Variants in WDR4 observed in about 807,000 individuals in gnomAD.
The protein encoded by WDR4 is WDR4 tRNA N7-guanosine methyltransferase non-catalytic subunit.
A neutral mutation model predicts 48.6 loss-of-function variants in WDR4; 47 were observed. The observed-to-expected ratio is 0.97, with a 90% CI of 0.77 to 1.23. The LOEUF is 1.23. Ranked by LOEUF, WDR4 falls within the 50% of genes most tolerant of loss-of-function variation. The pLI is 0.00. For synonymous variants in WDR4, 268 were observed against 230.0 expected, an observed-to-expected ratio of 1.17 and a Z score of -1.49; for missense variants, 606 against 551.6, an observed-to-expected ratio of 1.10 and a Z score of -0.99.
rs533952153 is a variant in WDR4 at position 42,862,491 on chromosome 21, G to A, written c.454-97C>T. 50 of 1,169,876 alleles carry A rather than the reference G, an allele frequency of 4.3e-5. No homozygotes were observed. The East Asian group carries it at 6.4e-4, about 15-fold the overall frequency. 72.5% of individuals were successfully genotyped at this position (1,169,876 alleles called of 1,614,324 possible). On this transcript the variant is annotated intron_variant, in intron 4 of 10. Coordinates refer to ENST00000398208, the MANE Select transcript of WDR4 (RefSeq NM_018669.6). This position sits in a 1 kb window ranked among gnomAD's most constrained non-coding sequence, Gnocchi z 4.3. ...AAGGCAGGGAAGCTGCAGCCTGGCCGCCAAGAGGATGAGGCCTTCGAGGAC... is the reference window on the plus strand; with the variant it reads ...AAGGCAGGGAAGCTGCAGCCTGGCCACCAAGAGGATGAGGCCTTCGAGGAC...
intron 2 of WDR4, among the ~76,000 whole-genome samples, chr21:42,874,437 A>G (rs1344633040): frequency 2.6e-5 from 4 of 152,196 alleles, no homozygotes; most frequent in Non-Finnish European, 4.4e-5. Context: ...AAAGAACAGG[A>G]TAACAGCAAT....
intron 3 of WDR4, among the ~76,000 whole-genome samples, chr21:42,864,534 T>A (rs1206570540): frequency 6.6e-6 from 1 of 151,968 alleles, no homozygotes; most frequent in South Asian, 2.1e-4. Flanking sequence ...CACCCTACCC[T>A]CCTCGGGAGG....
chr21:42,862,315 TG>T lies in WDR4; in HGVS notation c.532del (p.His178IlefsTer14). 6.2e-7 allele frequency: 1 copy of T among 1,611,386 alleles called. No homozygotes were observed. On this transcript the variant is annotated frameshift_variant, in exon 5 of 11. Transcript: ENST00000398208. LOFTEE classifies it high-confidence loss of function. This position sits in a 1 kb window ranked among gnomAD's most constrained non-coding sequence, Gnocchi z 4.3. ...CCCCAAGCAGAAGGACTCGATGCTA[TG>T]GGGCGCCGCGGCCCAGCTGACTCGG... ...KIRVSWAAAPHSIESFCLGHT... is the reference protein window; with the variant it reads ...KIRVSWAAAPXSIESFCLGHT...
Position 42,849,747 on chromosome 21 carries a change from CACAG to C in WDR4, c.*298_*301del, listed in dbSNP as rs1286981278. The C allele has an allele frequency of 6.1e-6, 2 of 328,384 alleles. No individual in the cohort carries two copies. The highest frequency in any genetic ancestry group is 2.2e-5 in the African/African-American group (1 of 45,882). 20.3% of individuals were successfully genotyped at this position (328,384 alleles called of 1,614,324 possible). The stretch of plus-strand genomic sequence containing the variant: ...AAGGGCGGTATGAGAACAGGAGAAA[CACAG>C]ACAGCTGCCGCCACCACCGGCTCAC... On this transcript the variant is annotated 3_prime_UTR_variant, in exon 11 of 11. Transcript: ENST00000398208.
chr21:42,844,190 C>T (rs944673835), intron 11 of WDR4, among the ~76,000 whole-genome samples: 5 of 152,152 alleles, frequency 3.3e-5, no homozygotes, highest in Non-Finnish European at 7.3e-5. Context: ...GCAAGCAGCC[C>T]ATTCGAGTAC....
In WDR4 at chr21:42,855,680, A is replaced by G; in HGVS notation, c.726+2T>C. The G allele has an allele frequency of 6.5e-7, 1 of 1,547,712 alleles. No individual in the cohort carries two copies. Among genetic ancestry groups the G allele is most frequent in the South Asian group, 1.2e-5 (1 of 83,876 alleles). On this transcript the variant is annotated splice_donor_variant, in intron 7 of 10. Coordinates refer to ENST00000398208, the MANE Select transcript of WDR4 (RefSeq NM_018669.6). LOFTEE classifies it high-confidence loss of function. ...CGCCCAGGAGTGAACAGAAGCAGCT[A>G]CCTGGGGGGCCTGGGGGTCCACCAG...
rs1323794497 is a variant in WDR4 at position 42,862,843 on chromosome 21, G to C, written c.454-449C>G. On this transcript the variant is annotated intron_variant, in intron 4 of 10. Coordinates refer to ENST00000398208, the MANE Select transcript of WDR4 (RefSeq NM_018669.6). The surrounding 1 kb of genome is among the most constrained non-coding windows in gnomAD (Gnocchi z 4.3). ...CCTTTGATACCCCACACTCGCCATT[G>C]TTCCTGACTGTCCCTGTGTGCGTCC... is the stretch of plus-strand genomic sequence containing the variant. 1.3e-5 allele frequency among the ~76,000 whole-genome samples: 2 copies of C among 152,202 alleles called. No individual in the cohort carries two copies. Among genetic ancestry groups the C allele is most frequent in the African/African-American group, 4.8e-5 (2 of 41,442 alleles).
rs1474010450 is a variant in WDR4 at position 42,855,806 on chromosome 21, G to A, written c.628-26C>T. On this transcript the variant is annotated intron_variant, in intron 6 of 10. Coordinates refer to ENST00000398208, the MANE Select transcript of WDR4 (RefSeq NM_018669.6). ...CTGCACAAACCAAACACACAGGTTAGCACATGGTTGTGGGGCTTCCGTCAG... is the reference window on the plus strand; with the variant it reads ...CTGCACAAACCAAACACACAGGTTAACACATGGTTGTGGGGCTTCCGTCAG... 8 of 1,519,776 alleles carry A rather than the reference G, an allele frequency of 5.3e-6. No homozygotes were observed. In the East Asian group the frequency reaches 2.0e-4, roughly 38 times the overall value. 94.1% of individuals were successfully genotyped at this position (1,519,776 alleles called of 1,614,324 possible). A position where few individuals can be genotyped will look rare whatever the true frequency, so the allele number is the denominator to read the frequency against.
intron 3 of WDR4, among the ~76,000 whole-genome samples, chr21:42,870,001 G>A (rs1888522): frequency 1.5e-4 from 20 of 136,524 alleles, no homozygotes; most frequent in Middle Eastern, 8.6e-3. Context: ...CAACAACAGC[G>A]AAACTCCATC....
intron 5 of WDR4, among the ~76,000 whole-genome samples, chr21:42,861,365 G>GGAAGGGTGGGGTGGGGAGGGGGGAAGGA: frequency 1.4e-5 from 2 of 138,574 alleles, no homozygotes; most frequent in African/African-American, 5.3e-5. Flanking sequence ...GGAAGGGAGG[G>GGAAGGGTGGGGTGGGGAGGGGGGAAGGA]AGGGAGGGAG....
chr21:42,857,478 G>A (rs1424729775), intron 6 of WDR4, among the ~76,000 whole-genome samples: 1 of 152,174 alleles, frequency 6.6e-6, no homozygotes, highest in African/African-American at 2.4e-5. Flanking sequence ...CAGGCAGATG[G>A]CATCGCCAGA....
intron 6 of WDR4, among the ~76,000 whole-genome samples, chr21:42,859,211 G>C (rs1447823818): frequency 1.3e-5 from 2 of 151,126 alleles, no homozygotes; most frequent in Non-Finnish European, 2.9e-5. Flanking sequence ...CCAGGAGTTT[G>C]AAACCAGCCT....
chr21:42,875,006 T>C (rs1022359268), intron 2 of WDR4, among the ~76,000 whole-genome samples: 12 of 152,136 alleles, frequency 7.9e-5, no homozygotes, highest in Admixed American at 6.6e-4. Flanking sequence ...CCTACCGACA[T>C]GTGATGTCTC....
intron 3 of WDR4, among the ~76,000 whole-genome samples, chr21:42,864,332 G>C (rs565337733): frequency 2.0e-5 from 3 of 152,048 alleles, no homozygotes; most frequent in Admixed American, 2.0e-4. Context: ...CACTGTCAAG[G>C]ACAAAGGCAG....
intron 2 of WDR4, among the ~76,000 whole-genome samples, chr21:42,874,430 G>A (rs1002958059): frequency 1.9e-4 from 29 of 152,162 alleles, no homozygotes; most frequent in Admixed American, 7.2e-4. Context: ...CCTTGAAAAA[G>A]AACAGGATAA....
chr21:42,846,474 G>T (rs780035788), downstream of WDR4, among the ~76,000 whole-genome samples: 1 of 152,222 alleles, frequency 6.6e-6, no homozygotes. Context: ...AGTCACACAC[G>T]TGCATTCAGT....
chr21:42,845,960 C>A (rs1332338513), downstream of WDR4, among the ~76,000 whole-genome samples: 2 of 152,034 alleles, frequency 1.3e-5, no homozygotes, highest in African/African-American at 2.4e-5. Flanking sequence ...GAGCAAGACA[C>A]CATCTCTACA....
At chr21:42,877,934 A>T (rs1451085704) in intron 1 of WDR4, among the ~76,000 whole-genome samples, 1 of 151,186 alleles carries the variant, frequency 6.6e-6, no homozygotes, top group African/African-American at 2.4e-5. Flanking sequence ...AGTCCCAACT[A>T]CTCGGGAGGC....
rs868490398 is a variant in WDR4 at position 42,864,024 on chromosome 21, G to T, written c.297-428C>A. On this transcript the variant is annotated intron_variant, in intron 3 of 10. Transcript: ENST00000398208. ...CGGGAGGCTGAGGCGGGAGAATGGC[G>T]TGAACCCGGGAGGCGGAGCTTGCAG... Among the ~76,000 whole-genome samples, 3 of 82,372 alleles carry T rather than the reference G, an allele frequency of 3.6e-5. 1 individual carries two copies. The South Asian group carries it at 1.1e-3, about 29-fold the overall frequency. The allele number at this position is 82,372 out of a possible 152,430, so 54.0% of individuals were successfully genotyped here.
Sources: allele counts gnomAD v4.1 joint callset (sites outside exome capture counted in the v4.1 genomes callset), GRCh38; gene constraint gnomAD v4.1.1; non-coding constraint Gnocchi (gnomAD v3.1); transcripts MANE v1.5; gene names NCBI Gene and HGNC (gene_info 2026-07-23, HGNC 2026-07-21).